PLCB3: variants seen among roughly 807,000 people sequenced by gnomAD.
PLCB3 encodes phospholipase C beta 3, also known as 1-phosphatidylinositol 4,5-bisphosphate phosphodiesterase beta-3.
In PLCB3, 54 loss-of-function variants were observed where a neutral mutation model predicts 152.1. The observed-to-expected ratio is 0.36, with a 90% CI of 0.29 to 0.45. The LOEUF (loss-of-function observed/expected upper bound fraction) is 0.45, where lower values mean the gene tolerates loss of function less well. PLCB3 is among the 20% of genes least tolerant of loss of function. PLCB3 has a pLI of 1.00. For synonymous variants in PLCB3, 717 were observed against 698.7 expected, an observed-to-expected ratio of 1.03 and a Z score of -0.41; for missense variants, 1,248 against 1,687.5, an observed-to-expected ratio of 0.74 and a Z score of 4.56.
rs182275817 is a variant in PLCB3 at position 64,258,414 on chromosome 11, C to T, written c.1013-59C>T. ...AGCATGTCCTGGTTCCAGGTGGGGC[C>T]GGGGTGGTGAGGAGCTGGGCTGGTG... is the stretch of plus-strand genomic sequence containing the variant. On this transcript the variant is annotated intron_variant, in intron 10 of 30. Coordinates refer to ENST00000279230, the MANE Select transcript of PLCB3 (RefSeq NM_000932.5). The surrounding 1 kb of genome is among the most constrained non-coding windows in gnomAD (Gnocchi z 7.2). 69 of 1,578,184 alleles carry T rather than the reference C, an allele frequency of 4.4e-5. No homozygotes were observed. The East Asian group carries it at 6.4e-4, about 15-fold the overall frequency.
In PLCB3 at chr11:64,267,271, G is replaced by A. The variant is rs760339128; in HGVS notation, c.3501G>A (p.Lys1167=). The change falls in exon 30 of 31, where the codon AAG becomes AAA. Residue 1167 remains lysine (K), a splice_region_variant and synonymous_variant. Coordinates refer to ENST00000279230, the MANE Select transcript of PLCB3 (RefSeq NM_000932.5). This position sits in a 1 kb window ranked among gnomAD's most constrained non-coding sequence, Gnocchi z 5.2. ...AACAGCTGGCAGAAGAGGAGCCCAA[G>A]GTGAGGCCATGGGCGAACAGGTGGG... is the stretch of plus-strand genomic sequence containing the variant. ...VLQQLAEEEP[K]LLAQLAQECQ... is the part of the protein sequence containing the mutation. 6.4e-7 allele frequency: 1 copy of A among 1,551,014 alleles called. No homozygotes were observed. Among genetic ancestry groups the A allele is most frequent in the Non-Finnish European group, 8.7e-7 (1 of 1,146,954 alleles).
At position 64,261,386 on chromosome 11, in the gene PLCB3, G is replaced by A. The variant is rs778247289; in HGVS notation, c.1732-14G>A. 1.2e-6 allele frequency: 2 copies of A among 1,608,594 alleles called. No homozygotes were observed. The highest frequency in any genetic ancestry group is 3.3e-5 in the Admixed American group (2 of 60,024). On this transcript the variant is annotated splice_polypyrimidine_tract_variant and intron_variant, in intron 14 of 30. Coordinates refer to ENST00000279230, the MANE Select transcript of PLCB3 (RefSeq NM_000932.5). ...GCGGGAATGGCACTGCTGACCCTGG[G>A]TTGGGGCCCACAGGGCACAGCCAGC...
intron 1 of PLCB3, 80 bp from the exon 2 acceptor site, chr11:64,254,335 G>C: frequency 8.8e-7 from 1 of 1,131,106 alleles, no homozygotes; most frequent in Non-Finnish European, 1.3e-6. Flanking sequence ...ACTCTGGGGT[G>C]CATGATGGGA....
rs746671277 is a variant in PLCB3 at position 64,262,518 on chromosome 11, A to C, written c.2150A>C (p.Glu717Ala). Residue 717 changes from glutamate to alanine, a missense_variant, in exon 18 of 31, where the codon GAG becomes GCG. Physicochemically the swap from Glu to Ala is moderately radical, Grantham distance 107 (BLOSUM62 -1). Transcript: ENST00000279230. ...RPDKSFDPFTEVIVDGIVANA... is the reference protein window; with the variant it reads ...RPDKSFDPFTAVIVDGIVANA... Reference sequence around the variant, plus strand: ...GACAAGTCCTTCGACCCCTTCACTGAGGTCATCGTGGATGGCATCGTGGCC... The same window carrying C: ...GACAAGTCCTTCGACCCCTTCACTGCGGTCATCGTGGATGGCATCGTGGCC... 2 of 1,613,762 alleles carry C rather than the reference A, an allele frequency of 1.2e-6. No homozygotes were observed. Among genetic ancestry groups the C allele is most frequent in the African/African-American group, 2.7e-5 (2 of 74,908 alleles).
At chr11:64,252,316 G>T (rs559994149) in intron 1 of PLCB3, among the ~76,000 whole-genome samples, 1 of 152,090 alleles carries the variant, frequency 6.6e-6, no homozygotes, top group Non-Finnish European at 1.5e-5. Flanking sequence ...CCCTAGTGGA[G>T]ACTTTGCCCC....
chr11:64,267,151 G>A lies in PLCB3; in HGVS notation c.3415-34G>A, dbSNP rs974276364. The A allele has an allele frequency of 1.9e-6, 3 of 1,541,372 alleles. No homozygotes were observed. Among genetic ancestry groups the A allele is most frequent in the East Asian group, 2.4e-5 (1 of 40,946 alleles). ...CTCGAGGCTCTAGCCCCTCCCTCAG[G>A]GCCCCTCAGCTGAGCCCTTGCCCAC... On this transcript the variant is annotated intron_variant, in intron 29 of 30. Transcript: ENST00000279230. This position sits in a 1 kb window ranked among gnomAD's most constrained non-coding sequence, Gnocchi z 5.2.
At position 64,256,402 on chromosome 11, in the gene PLCB3, C is replaced by T. The variant is rs760836389; in HGVS notation, c.725C>T (p.Thr242Met). ...GGCGCCAAGGGCAAGCCATACCTGA[C>T]GCTGGAGCAGCTCATGGACTTCATC... The part of the protein sequence containing the change: ...EIGAKGKPYL[T>M]LEQLMDFINQ... The change falls in exon 9 of 31, where the codon ACG becomes ATG. Residue 242 changes from threonine to methionine, a missense_variant. Transcript: ENST00000279230. 7.4e-6 allele frequency: 12 copies of T among 1,613,534 alleles called. No homozygotes were observed. Among genetic ancestry groups the T allele is most frequent in the South Asian group, 3.3e-5 (3 of 91,094 alleles).
Position 64,266,058 on chromosome 11 carries a change from C to A in PLCB3, c.3189+19C>A. The A allele has an allele frequency of 6.2e-7, 1 of 1,613,838 alleles. No individual in the cohort carries two copies. Among genetic ancestry groups the A allele is most frequent in the Non-Finnish European group, 8.5e-7 (1 of 1,179,898 alleles). ...GAGACAGGTAGGGGGCCTGCAGTGG[C>A]CAGGGAAAGCCTGCTGGATAGACCC... is the stretch of plus-strand genomic sequence containing the variant. On this transcript the variant is annotated intron_variant, in intron 26 of 30. Transcript: ENST00000279230. The surrounding 1 kb of genome is among the most constrained non-coding windows in gnomAD (Gnocchi z 4.9).
rs775088181 is a variant in PLCB3 at position 64,256,745 on chromosome 11, G to A, written c.993G>A (p.Ser331=). The change falls in exon 10 of 31, where the codon TCG becomes TCA. Residue 331 remains serine (S), a synonymous_variant. Coordinates refer to ENST00000279230, the MANE Select transcript of PLCB3 (RefSeq NM_000932.5). Reference sequence around the variant, plus strand: ...TGAGTGCCTACTTCATCAACTCCTCGCATAACACCTATCTCACTGGTGAGT... The same window carrying A: ...TGAGTGCCTACTTCATCAACTCCTCACATAACACCTATCTCACTGGTGAGT... ...QPLSAYFINS[S]HNTYLTAGQL... is the part of the protein sequence containing the mutation. The A allele has an allele frequency of 6.8e-6, 11 of 1,614,144 alleles. No homozygotes were observed. The highest frequency in any genetic ancestry group is 2.2e-5 in the East Asian group (1 of 44,880).
Position 64,263,167 on chromosome 11 carries a change from C to T in PLCB3, c.2356-331C>T, listed in dbSNP as rs2855383. Among the ~76,000 whole-genome samples the T allele has an allele frequency of 2.4e-3, 361 of 152,358 alleles. 1 individual carries two copies. Among genetic ancestry groups the T allele is most frequent in the Non-Finnish European group, 3.7e-3 (252 of 68,036 alleles). Reference sequence around the variant, plus strand: ...CGGCCCTGCATGGACGCGGCCTCTGCTCCCAGCCTGGGCATGTGTGTTCTT... The same window carrying T: ...CGGCCCTGCATGGACGCGGCCTCTGTTCCCAGCCTGGGCATGTGTGTTCTT... On this transcript the variant is annotated intron_variant, in intron 19 of 30. Coordinates refer to ENST00000279230, the MANE Select transcript of PLCB3 (RefSeq NM_000932.5).
rs1166026263 is a variant in PLCB3, at chr11:64,255,830, G to A, written c.698+9G>A. Reference sequence around the variant, plus strand: ...AAGATCCTGCTGGAGATGTGAGTGGGCCCGGCCTGCCTCACAACCCCTGTG... The same window carrying A: ...AAGATCCTGCTGGAGATGTGAGTGGACCCGGCCTGCCTCACAACCCCTGTG... On this transcript the variant is annotated intron_variant, in intron 8 of 30. Coordinates refer to ENST00000279230, the MANE Select transcript of PLCB3 (RefSeq NM_000932.5). This position sits in a 1 kb window ranked among gnomAD's most constrained non-coding sequence, Gnocchi z 6.8. 1 of 1,583,084 alleles carries A rather than the reference G, an allele frequency of 6.3e-7. No individual in the cohort carries two copies. Among genetic ancestry groups the A allele is most frequent in the East Asian group, 2.2e-5 (1 of 44,726 alleles).
rs758548996 is a variant in PLCB3 at position 64,258,631 on chromosome 11, G to C, written c.1171G>C (p.Asp391His). The C allele has an allele frequency of 8.1e-6, 13 of 1,613,876 alleles. No individual in the cohort carries two copies. In the South Asian group the frequency reaches 1.4e-4, roughly 18 times the overall value. ...FTMTTEVPLR[D>H]VLEAIAETAF... ...CATGACCACAGAGGTGCCTCTGCGCGACGTGCTGGAGGCCATTGCCGAGAC... is the reference window on the plus strand; with the variant it reads ...CATGACCACAGAGGTGCCTCTGCGCCACGTGCTGGAGGCCATTGCCGAGAC... Residue 391 changes from aspartate (D) to histidine (H), a missense_variant, in exon 11 of 31, where the codon GAC becomes CAC. This residue lies in a region of PLCB3 where 122 missense variants were observed against 221.8 expected (regional missense o/e 0.55). Coordinates refer to ENST00000279230, the MANE Select transcript of PLCB3 (RefSeq NM_000932.5). This position sits in a 1 kb window ranked among gnomAD's most constrained non-coding sequence, Gnocchi z 7.2.
chr11:64,260,031 T>G lies in PLCB3; in HGVS notation c.1528T>G (p.Ser510Ala), dbSNP rs986572757. 6.2e-7 allele frequency: 1 copy of G among 1,610,002 alleles called. No individual in the cohort carries two copies. Among genetic ancestry groups the G allele is most frequent in the Non-Finnish European group, 8.5e-7 (1 of 1,178,902 alleles). The change falls in exon 14 of 31, where the codon TCT becomes GCT. Residue 510 changes from serine to alanine, a missense_variant and splice_region_variant. Around this residue, in one of 6 missense-constraint regions of PLCB3, gnomAD observed 105 missense variants for 100.9 expected, o/e 1.04. Transcript: ENST00000279230. ...CCCTGTGGCCCTGTCCTCTGCAGGG[T>G]CTCCCAGCTCTGACAGCTGCCCAGG... is the stretch of plus-strand genomic sequence containing the variant. ...ATEPSSPQLG[S>A]PSSDSCPGLS...
chr11:64,256,482 C>G lies in PLCB3; in HGVS notation c.805C>G (p.Pro269Ala), dbSNP rs909277851. 5.6e-6 allele frequency: 9 copies of G among 1,613,774 alleles called. No individual in the cohort carries two copies. The African/African-American group carries it at 1.1e-4, about 19-fold the overall frequency. Residue 269 changes from proline to alanine, a missense_variant, in exon 9 of 31, where the codon CCC becomes GCC. By Grantham distance (27) the Pro-to-Ala change is conservative (BLOSUM62 -1). This residue lies in a region of PLCB3 where 299 missense variants were observed against 434.7 expected (regional missense o/e 0.69). Coordinates refer to ENST00000279230, the MANE Select transcript of PLCB3 (RefSeq NM_000932.5). ...CGAAGTGCTGTACCCGCCCCTGCGG[C>G]CCTCCCAGGCCCGGCTGCTCATCGA... ...LNEVLYPPLR[P>A]SQARLLIEKY...
At chr11:64,263,630 G>A (rs1448884177) in intron 20 of PLCB3, 33 bp downstream of exon 20, 19 of 1,603,812 alleles carry the variant, frequency 1.2e-5, no homozygotes, top group East Asian at 6.7e-5. Flanking sequence ...GCAGCACAGC[G>A]GGCAGTGGGT....
rs756343750 is a variant in PLCB3 at position 64,260,136 on chromosome 11, C to A, written c.1633C>A (p.Arg545=). The A allele has an allele frequency of 6.2e-7, 1 of 1,611,084 alleles. No individual in the cohort carries two copies. Among genetic ancestry groups the A allele is most frequent in the South Asian group, 1.1e-5 (1 of 90,592 alleles). The change falls in exon 14 of 31, where the codon CGA becomes AGA. Residue 545 remains arginine (R), a synonymous_variant. Transcript: ENST00000279230. ...QKSLGDEGLN[R]GPYVLGPADR... ...GTCTCTGGGTGACGAGGGCCTGAAC[C>A]GAGGCCCCTATGTTCTTGGACCTGC...
rs2031902017 is a variant in PLCB3, at chr11:64,262,462, C to A, written c.2094C>A (p.Tyr698Ter). The change falls in exon 18 of 31, where the codon TAC becomes TAA. Residue 698 changes from tyrosine (Y) to a stop codon, truncating the protein, a stop_gained. Coordinates refer to ENST00000279230, the MANE Select transcript of PLCB3 (RefSeq NM_000932.5). LOFTEE classifies it high-confidence loss of function. ...TTGAGTACAACGGGCGCAGCGGGTA[C>A]CTGCTCAAGCCGGAGTTCATGCGGC... ...GVFEYNGRSG[Y>*]LLKPEFMRRP... The A allele has an allele frequency of 6.2e-7, 1 of 1,613,802 alleles. No individual in the cohort carries two copies. Among genetic ancestry groups the A allele is most frequent in the Non-Finnish European group, 8.5e-7 (1 of 1,180,014 alleles).
rs1163976054 is a variant in PLCB3 at position 64,267,601 on chromosome 11, G to A, written c.*45G>A. ...CACAGGGCCAGGGCGGGCGCTGGGT[G>A]GAGGGCAGGAGGCAATGACACTAAT... On this transcript the variant is annotated 3_prime_UTR_variant, in exon 31 of 31. Transcript: ENST00000279230. This position sits in a 1 kb window ranked among gnomAD's most constrained non-coding sequence, Gnocchi z 5.2. 9 of 1,337,476 alleles carry A rather than the reference G, an allele frequency of 6.7e-6. No individual in the cohort carries two copies. Among genetic ancestry groups the A allele is most frequent in the African/African-American group, 1.5e-5 (1 of 68,000 alleles). 82.9% of individuals were successfully genotyped at this position (1,337,476 alleles called of 1,614,324 possible). A position where few individuals can be genotyped will look rare whatever the true frequency, so the allele number is the denominator to read the frequency against.
rs763298159 is a variant in PLCB3 at position 64,256,505 on chromosome 11, C to T, written c.828C>T (p.Ile276=). ...PLRPSQARLL[I]EKYEPNQQFL... ...GGCCCTCCCAGGCCCGGCTGCTCAT[C>T]GAAAAGTATGAGCCCAACCAGCAGT... is the stretch of plus-strand genomic sequence containing the variant. The change falls in exon 9 of 31, where the codon ATC becomes ATT. Residue 276 remains isoleucine, a synonymous_variant. Transcript: ENST00000279230. The T allele has an allele frequency of 8.7e-6, 14 of 1,613,744 alleles. No individual in the cohort carries two copies. Among genetic ancestry groups the T allele is most frequent in the Admixed American group, 1.7e-5 (1 of 60,000 alleles).
Sources: allele counts gnomAD v4.1 joint callset (sites outside exome capture counted in the v4.1 genomes callset), GRCh38; gene constraint gnomAD v4.1.1; regional missense constraint gnomAD v4.1.1; non-coding constraint Gnocchi (gnomAD v3.1); transcripts MANE v1.5; gene names NCBI Gene and HGNC (gene_info 2026-07-23, HGNC 2026-07-21).